The following DACH1 variants were observed in gnomAD, a reference collection of about 807,000 sequenced individuals.
DACH1 encodes dachshund family transcription factor 1.
DACH1 carries 12 observed loss-of-function variants against 54.2 expected under a neutral mutation model. The ratio of observed to expected loss-of-function variants is 0.22; its 90% CI spans 0.14 to 0.36. DACH1 has a LOEUF of 0.36. Among genes scored for constraint, DACH1 ranks in the 10% least tolerant of loss-of-function variants. The pLI is 1.00. For synonymous variants in DACH1, 386 were observed against 366.2 expected, an observed-to-expected ratio of 1.05 and a Z score of -0.62; for missense variants, 805 against 929.8, an observed-to-expected ratio of 0.87 and a Z score of 1.75.
chr13:71,515,821 G>A (rs1881111996), intron 6 of DACH1, among the ~76,000 whole-genome samples: 1 of 151,796 alleles, frequency 6.6e-6, no homozygotes, highest in South Asian at 2.1e-4. Flanking sequence ...TCTTTCAGGA[G>A]CACACTTGCC....
intron 6 of DACH1, among the ~76,000 whole-genome samples, chr13:71,507,503 A>T (rs1400867756): frequency 6.6e-6 from 1 of 152,206 alleles, no homozygotes; most frequent in African/African-American, 2.4e-5. Flanking sequence ...TTGAAATATG[A>T]ATACATTTTA....
intron 1 of DACH1, among the ~76,000 whole-genome samples, chr13:71,725,948 T>G (rs1045840759): frequency 2.0e-5 from 3 of 152,172 alleles, no homozygotes; most frequent in Admixed American, 6.6e-5. Flanking sequence ...TATTGTCTTT[T>G]GCATTATAGT....
chr13:71,657,576 TAAA>T (rs34939790), intron 2 of DACH1, among the ~76,000 whole-genome samples: 2 of 142,334 alleles, frequency 1.4e-5, no homozygotes, highest in African/African-American at 2.6e-5. Context: ...CTGTCTCAAA[TAAA>T]AAAAAAAAAA....
chr13:71,646,160 A>G (rs2138610209), intron 2 of DACH1, among the ~76,000 whole-genome samples: 1 of 152,130 alleles, frequency 6.6e-6, no homozygotes, highest in Admixed American at 6.5e-5. Context: ...ACATGGTAAA[A>G]GTCCCATCTC....
At chr13:71,706,015 T>A (rs901075295) in intron 1 of DACH1, among the ~76,000 whole-genome samples, 1 of 152,018 alleles carries the variant, frequency 6.6e-6, no homozygotes, top group Non-Finnish European at 1.5e-5. Flanking sequence ...TTTTTTCTTA[T>A]CAATCAAGAA....
At chr13:71,448,848 A>C (rs1874724090) in intron 10 of DACH1, among the ~76,000 whole-genome samples, 1 of 145,592 alleles carries the variant, frequency 6.9e-6, no homozygotes, top group Admixed American at 6.9e-5. Context: ...TCAAGGTTGT[A>C]ACTGGGGAAC....
chr13:71,573,592 A>T lies in DACH1; in HGVS notation c.1127-580T>A, dbSNP rs1214525797. 5.9e-6 allele frequency: 3 copies of T among 511,730 alleles called. No individual in the cohort carries two copies. The African/African-American group carries it at 6.0e-5, about 10-fold the overall frequency. 31.7% of individuals were successfully genotyped at this position (511,730 alleles called of 1,614,324 possible). The stretch of plus-strand genomic sequence containing the variant: ...CTGCTGCCTGTGGGGAATGAATATA[A>T]ATTACTTGGATATAATATTATTCCA... On this transcript the variant is annotated intron_variant, in intron 3 of 10. Coordinates refer to ENST00000613252, the MANE Select transcript of DACH1 (RefSeq NM_080759.6).
At chr13:71,639,472 C>CA (rs939021160) in intron 2 of DACH1, among the ~76,000 whole-genome samples, 17 of 151,982 alleles carry the variant, frequency 1.1e-4, no homozygotes, top group African/African-American at 4.1e-4. Context: ...TTGAGTCTTT[C>CA]AACTGATTGA....
intron 3 of DACH1, among the ~76,000 whole-genome samples, chr13:71,621,840 T>C (rs1302450797): frequency 6.6e-6 from 1 of 152,054 alleles, no homozygotes; most frequent in Non-Finnish European, 1.5e-5. Context: ...AATTCAAAAC[T>C]GTTGAAAATG....
intron 2 of DACH1, among the ~76,000 whole-genome samples, chr13:71,645,218 C>T (rs1478638372): frequency 6.6e-6 from 1 of 152,056 alleles, no homozygotes; most frequent in Non-Finnish European, 1.5e-5. Flanking sequence ...CATGATTCTC[C>T]CCCCTCTTTA....
At chr13:71,550,129 G>A (rs917547232) in intron 6 of DACH1, among the ~76,000 whole-genome samples, 1 of 152,056 alleles carries the variant, frequency 6.6e-6, no homozygotes, top group Non-Finnish European at 1.5e-5. Context: ...ATTATGAATT[G>A]TAAATAGATA....
chr13:71,664,442 TGA>T (rs1879698921), intron 2 of DACH1, among the ~76,000 whole-genome samples: 1 of 151,992 alleles, frequency 6.6e-6, no homozygotes, highest in Non-Finnish European at 1.5e-5. Context: ...CATAAATGGT[TGA>T]AACAATCTCT....
intron 1 of DACH1, among the ~76,000 whole-genome samples, chr13:71,713,838 A>T (rs2138784882): frequency 6.6e-6 from 1 of 152,222 alleles, no homozygotes; most frequent in South Asian, 2.1e-4. Context: ...AGAATGATCA[A>T]ATTCAGAAAA....
intron 3 of DACH1, among the ~76,000 whole-genome samples, chr13:71,580,945 T>G (rs1402345291): frequency 6.8e-6 from 1 of 147,884 alleles, no homozygotes; most frequent in Non-Finnish European, 1.5e-5. Context: ...GTCACTCCCC[T>G]GATTAGGGGT....
chr13:71,610,825 A>T (rs181190728), intron 3 of DACH1, among the ~76,000 whole-genome samples: 1 of 152,334 alleles, frequency 6.6e-6, no homozygotes, highest in African/African-American at 2.4e-5. Flanking sequence ...ATCTACCTAG[A>T]CAAAGCATAC....
intron 6 of DACH1, among the ~76,000 whole-genome samples, chr13:71,527,989 A>G (rs141618100): frequency 1.1e-3 from 165 of 152,300 alleles, no homozygotes; most frequent in African/African-American, 3.8e-3. Context: ...AGATGATAAC[A>G]ATGTTATGGG....
intron 1 of DACH1, among the ~76,000 whole-genome samples, chr13:71,832,376 C>CA (rs1460787397): frequency 6.6e-6 from 1 of 151,644 alleles, no homozygotes; most frequent in Admixed American, 6.6e-5. Flanking sequence ...TAGATATTGT[C>CA]AAAAGTAAGT....
intron 2 of DACH1, among the ~76,000 whole-genome samples, chr13:71,650,589 TCTATA>T (rs1299379969): frequency 1.3e-5 from 2 of 152,122 alleles, no homozygotes; most frequent in Non-Finnish European, 2.9e-5. Context: ...TTTAAGCAGT[TCTATA>T]CAAGAAACAC....
chr13:71,483,362 T>C (rs1222415818), intron 7 of DACH1, among the ~76,000 whole-genome samples: 1 of 147,282 alleles, frequency 6.8e-6, no homozygotes, highest in Non-Finnish European at 1.5e-5. Context: ...TATAATTATA[T>C]ATTATAATTA....
Sources: gnomAD v4.1 joint callset for allele counts (sites outside exome capture counted in the v4.1 genomes callset) on GRCh38, gnomAD v4.1.1 for gene constraint, MANE v1.5 for transcripts, NCBI Gene and HGNC (gene_info 2026-07-23, HGNC 2026-07-21) for gene names.